ADAM28: variants seen among roughly 807,000 people sequenced by gnomAD.
The protein encoded by ADAM28 is disintegrin and metalloproteinase domain-containing protein 28.
ADAM28 carries 105 observed loss-of-function variants against 101.2 expected under a neutral mutation model. The ratio of observed to expected loss-of-function variants is 1.04; its 90% CI spans 0.89 to 1.22. The LOEUF is 1.22. Among genes scored for constraint, ADAM28 ranks in the 50% most tolerant of loss-of-function variants. ADAM28 has a pLI of 0.00. For synonymous variants in ADAM28, 322 were observed against 310.6 expected, an observed-to-expected ratio of 1.04 and a Z score of -0.39; for missense variants, 1,028 against 945.4, an observed-to-expected ratio of 1.09 and a Z score of -1.15.
rs375265578 is a variant in ADAM28 at position 24,299,977 on chromosome 8, G to A, written c.50G>A (p.Ser17Asn). 1.1e-5 allele frequency: 18 copies of A among 1,609,878 alleles called. No homozygotes were observed. Among genetic ancestry groups the A allele is most frequent in the Middle Eastern group, 1.6e-4 (1 of 6,068 alleles). ...PVSLLLSVAV[S>N]AIKELPGVKK... ...TTTTCTTTTTCTTTTTTCTCAGTAA[G>A]TGCTATAAAAGAACTCCCTGGGGTG... The change falls in exon 2 of 23, where the codon AGT becomes AAT. Residue 17 changes from serine (S) to asparagine (N), a missense_variant. Coordinates refer to ENST00000265769, the MANE Select transcript of ADAM28 (RefSeq NM_014265.6).
intron 11 of ADAM28, 120 bp from the exon 12 acceptor site, chr8:24,331,030 C>G: frequency 1.1e-6 from 1 of 943,284 alleles, no homozygotes; most frequent in Non-Finnish European, 1.5e-6. Context: ...GGCAGTTGGT[C>G]AGTGGATTGG....
chr8:24,329,861 G>C lies in ADAM28; in HGVS notation c.973-124G>C, dbSNP rs527561701. 68 of 883,722 alleles carry C rather than the reference G, an allele frequency of 7.7e-5. No individual in the cohort carries two copies. The African/African-American group carries it at 1.1e-3, about 14-fold the overall frequency. 54.7% of individuals were successfully genotyped at this position (883,722 alleles called of 1,614,324 possible). A position where few individuals can be genotyped will look rare whatever the true frequency, so the allele number is the denominator to read the frequency against. ...TCTCTCTTGCTCTGTGTGTGTGTGT[G>C]TGTGTGTTTGTGTGTGTGTGTGTGT... is the stretch of plus-strand genomic sequence containing the variant. On this transcript the variant is annotated intron_variant, in intron 10 of 22. Coordinates refer to ENST00000265769, the MANE Select transcript of ADAM28 (RefSeq NM_014265.6).
intron 1 of ADAM28, among the ~76,000 whole-genome samples, chr8:24,298,308 T>C (rs1485751404): frequency 6.6e-6 from 1 of 152,228 alleles, no homozygotes; most frequent in Non-Finnish European, 1.5e-5. Context: ...AACACCCCAT[T>C]TTTGACTCAA....
At chr8:24,351,625 T>G (rs953172086) in intron 20 of ADAM28, 1 of 478,916 alleles carries the variant, frequency 2.1e-6, no homozygotes, top group Non-Finnish European at 3.8e-6. Flanking sequence ...AGCTTATTTC[T>G]TTGCAAATTG....
intron 2 of ADAM28, chr8:24,308,815 G>A (rs1265300621): frequency 7.3e-6 from 3 of 410,228 alleles, no homozygotes; most frequent in Admixed American, 5.5e-5. Flanking sequence ...ATCCCAGCAC[G>A]GTGCTCATGA....
At chr8:24,313,903 A>G (rs1356164154) in intron 6 of ADAM28, among the ~76,000 whole-genome samples, 1 of 151,908 alleles carries the variant, frequency 6.6e-6, no homozygotes, top group Non-Finnish European at 1.5e-5. Flanking sequence ...GATTATAGGC[A>G]TGTGCCACCA....
chr8:24,353,746 C>T (rs747640487), intron 21 of ADAM28, 24 bp from the exon 22 acceptor site: 2 of 1,377,488 alleles, frequency 1.5e-6, no homozygotes. Context: ...TAATGCCATA[C>T]CATTGTTTTT....
At chr8:24,321,498 CCA>C in intron 8 of ADAM28, 1 of 567,198 alleles carries the variant, frequency 1.8e-6, no homozygotes, top group East Asian at 3.2e-5. Context: ...TATTTACCTG[CCA>C]CAGTATTCTC....
At chr8:24,300,123 A>G in intron 2 of ADAM28, 46 bp downstream of exon 2, 2 of 1,407,068 alleles carry the variant, frequency 1.4e-6, no homozygotes, top group South Asian at 1.2e-5. Flanking sequence ...AGATACATAT[A>G]TACACACATA....
chr8:24,335,856 T>C lies in ADAM28; in HGVS notation c.1567+215T>C, dbSNP rs996354084. 4.8e-6 allele frequency: 6 copies of C among 1,237,278 alleles called. No individual in the cohort carries two copies. In the Admixed American group the frequency reaches 1.2e-4, roughly 24 times the overall value. 76.6% of individuals were successfully genotyped at this position (1,237,278 alleles called of 1,614,324 possible). On this transcript the variant is annotated intron_variant, in intron 14 of 22. Transcript: ENST00000265769. ...GCCCCGTTAAATTTTAACTTAAAAT[T>C]AACAAGTTTTTTGTTAATTTTTTGT...
chr8:24,343,234 G>C, intron 17 of ADAM28, 53 bp downstream of exon 17: 1 of 1,577,954 alleles, frequency 6.3e-7, no homozygotes, highest in East Asian at 2.2e-5. Flanking sequence ...TGACATTCTA[G>C]GTCAGTCATA....
chr8:24,343,931 A>AT (rs11387940), intron 18 of ADAM28, among the ~76,000 whole-genome samples: 26,890 of 152,072 alleles, frequency 0.18, 2,525 homozygotes, highest in East Asian at 0.35. Context: ...ATGACCTATT[A>AT]TTTTGTATGT....
At chr8:24,326,051 G>T (rs1812577973) in intron 9 of ADAM28, among the ~76,000 whole-genome samples, 2 of 151,604 alleles carry the variant, frequency 1.3e-5, no homozygotes. Flanking sequence ...CCCCTCTCCA[G>T]TATAAAACTT....
rs1312343236 is a variant in ADAM28, at chr8:24,323,857, T to C, written c.744T>C (p.His248=). The C allele has an allele frequency of 6.2e-7, 1 of 1,611,806 alleles. No homozygotes were observed. Among genetic ancestry groups the C allele is most frequent in the South Asian group, 1.1e-5 (1 of 90,978 alleles). The change falls in exon 9 of 23, where the codon CAT becomes CAC. Residue 248 remains histidine (H), a synonymous_variant. Coordinates refer to ENST00000265769, the MANE Select transcript of ADAM28 (RefSeq NM_014265.6). ...VNMLYKKLNT[H]VALVGMEIWT... ...AGCTTTATAAAAAGCTCAATACTCATGTGGCCTTAGTTGGTATGGAAATCT... is the reference window on the plus strand; with the variant it reads ...AGCTTTATAAAAAGCTCAATACTCACGTGGCCTTAGTTGGTATGGAAATCT...
At position 24,344,642 on chromosome 8, in the gene ADAM28, T is replaced by G. The variant is rs1162782303; in HGVS notation, c.1990+1058T>G. Among the ~76,000 whole-genome samples the G allele has an allele frequency of 2.6e-5, 4 of 152,192 alleles. No individual in the cohort carries two copies. In the East Asian group the frequency reaches 7.7e-4, roughly 29 times the overall value. ...TTTAAAATTATTTTTTCTAGTGCCC[T>G]ATGATTTTATTATATACACATGTAT... On this transcript the variant is annotated intron_variant, in intron 18 of 22. Coordinates refer to ENST00000265769, the MANE Select transcript of ADAM28 (RefSeq NM_014265.6).
Position 24,323,891 on chromosome 8 carries a change from A to G in ADAM28, c.778A>G (p.Lys260Glu). 1 of 1,612,284 alleles carries G rather than the reference A, an allele frequency of 6.2e-7. No individual in the cohort carries two copies. Among genetic ancestry groups the G allele is most frequent in the East Asian group, 2.2e-5 (1 of 44,800 alleles). Residue 260 changes from lysine to glutamate, a missense_variant, in exon 9 of 23, where the codon AAG (lysine) becomes GAG (glutamate). Lys to Glu is a moderately conservative substitution (Grantham distance 56, BLOSUM62 1). Transcript: ENST00000265769. ...AGTTGGTATGGAAATCTGGACTGAC[A>G]AGGATAAGATAAAGATAACCCCAAA... ...ALVGMEIWTDKDKIKITPNAS... is the reference protein window; with the variant it reads ...ALVGMEIWTDEDKIKITPNAS...
At chr8:24,309,533 G>T (rs1337714315) in intron 2 of ADAM28, among the ~76,000 whole-genome samples, 1 of 152,072 alleles carries the variant, frequency 6.6e-6, no homozygotes, top group East Asian at 1.9e-4. Context: ...TCACCTCATT[G>T]TCTGTCTTTT....
intron 14 of ADAM28, chr8:24,336,145 A>G (rs1045882657): frequency 1.0e-6 from 1 of 985,746 alleles, no homozygotes; most frequent in East Asian, 1.1e-4. Flanking sequence ...CAGAAAGCCA[A>G]TAAAGAAAAG....
At chr8:24,322,053 TTC>T (rs778083500) in intron 8 of ADAM28, among the ~76,000 whole-genome samples, 32 of 152,166 alleles carry the variant, frequency 2.1e-4, no homozygotes, top group Non-Finnish European at 2.9e-4. Context: ...TGTAATATAC[TTC>T]TTTTGATATG....
Sources: gnomAD v4.1 joint callset for allele counts (sites outside exome capture counted in the v4.1 genomes callset) on GRCh38, gnomAD v4.1.1 for gene constraint, MANE v1.5 for transcripts, NCBI Gene and HGNC (gene_info 2026-07-23, HGNC 2026-07-21) for gene names.